ZNF16: variants seen among roughly 807,000 people sequenced by gnomAD.
ZNF16 encodes the protein zinc finger protein KOX9.
A neutral mutation model predicts 9.0 loss-of-function variants in ZNF16; 7 were observed. The observed-to-expected ratio is 0.78, with a 90% confidence interval of 0.44 to 1.47. The LOEUF (loss-of-function observed/expected upper bound fraction) is 1.47. Among genes scored for constraint, ZNF16 ranks in the 40% most tolerant of loss-of-function variants. The pLI is 0.01. For synonymous variants in ZNF16, 312 were observed against 301.5 expected (o/e 1.03, Z -0.36); for missense variants, 830 against 854.2 (o/e 0.97, Z 0.35).
chr8:144,942,275 GC>G (rs1323506085), intron 2 of ZNF16, among the ~76,000 whole-genome samples: 1 of 150,690 alleles, frequency 6.6e-6, no homozygotes, highest in Non-Finnish European at 1.5e-5. Flanking sequence ...ACCATGCCTG[GC>G]CCATTTTTAA....
rs754931875 is a variant in ZNF16 at position 144,931,460 on chromosome 8, T to C, written c.1327A>G (p.Ser443Gly). 2 of 1,614,198 alleles carry C rather than the reference T, an allele frequency of 1.2e-6. No individual in the cohort carries two copies. The highest frequency in any genetic ancestry group is 1.7e-6 in the Non-Finnish European group (2 of 1,180,038). The change falls in exon 3 of 3, where the codon AGT (serine) becomes GGT (glycine). Residue 443 changes from serine (S) to glycine (G), a missense_variant. Transcript: ENST00000394909. Reference protein sequence around the residue: ...YKCSDCGKAFSQSSSLIQHRR... With the variant: ...YKCSDCGKAFGQSSSLIQHRR... ...TGCTGAATAAGGCTGGAGCTCTGAC[T>C]AAATGCTTTCCCACAGTCACTGCAC...
rs563325288 is a variant in ZNF16 at position 144,934,457 on chromosome 8, C to T, written c.197-1867G>A. Among the ~76,000 whole-genome samples, 112 of 152,392 alleles carry T rather than the reference C, an allele frequency of 7.3e-4. 1 individual carries two copies. The highest frequency in any genetic ancestry group is 2.2e-3 in the Admixed American group (33 of 15,308). ...TCCACATGGGCTGCAGGGGATTCCC[C>T]AATGTCCCCCATGAGCTTCAGCTCT... On this transcript the variant is annotated intron_variant, in intron 2 of 2. Transcript: ENST00000394909.
rs1416069584 is a variant in ZNF16, at chr8:144,931,257, C to A, written c.1530G>T (p.Val510=). The A allele has an allele frequency of 6.2e-7, 1 of 1,613,444 alleles. No homozygotes were observed. Among genetic ancestry groups the A allele is most frequent in the Non-Finnish European group, 8.5e-7 (1 of 1,179,862 alleles). Residue 510 remains valine, a synonymous_variant, in exon 3 of 3, where the codon GTG becomes GTT. Coordinates refer to ENST00000394909, the MANE Select transcript of ZNF16 (RefSeq NM_006958.3). ...HSSALIQHQG[V]HTGDKPYACH... ...AGGCGTAGGGCTTGTCGCCTGTGTGCACGCCCTGGTGCTGAATGAGGGCTG... is the reference window on the plus strand; with the variant it reads ...AGGCGTAGGGCTTGTCGCCTGTGTGAACGCCCTGGTGCTGAATGAGGGCTG...
In ZNF16 at chr8:144,932,703, C is replaced by A; in HGVS notation, c.197-113G>T. The A allele has an allele frequency of 8.6e-7, 1 of 1,163,130 alleles. No individual in the cohort carries two copies. The allele number at this position is 1,163,130 out of a possible 1,614,324, so 72.1% of individuals were successfully genotyped here. On this transcript the variant is annotated intron_variant, in intron 2 of 2. Transcript: ENST00000394909. The surrounding 1 kb of genome is among the most constrained non-coding windows in gnomAD (Gnocchi z 5.0). The stretch of plus-strand genomic sequence containing the variant: ...GGAGGAGGCAAGGGGAGCAGGGGAT[C>A]CTCTGGGGTGGCAGTCCAGATCAGA...
chr8:144,940,405 A>C (rs1005459373), intron 2 of ZNF16, among the ~76,000 whole-genome samples: 9 of 152,080 alleles, frequency 5.9e-5, no homozygotes, highest in Non-Finnish European at 1.2e-4. Flanking sequence ...TTCCCTTTTG[A>C]CATTGCCTTC....
chr8:144,946,024 G>A lies in ZNF16; in HGVS notation c.183C>T (p.His61=). 5 of 1,613,758 alleles carry A rather than the reference G, an allele frequency of 3.1e-6. No individual in the cohort carries two copies. Among genetic ancestry groups the A allele is most frequent in the South Asian group, 1.1e-5 (1 of 91,082 alleles). ...SDTELEAICP[H]YQQPDCDTRT... The stretch of plus-strand genomic sequence containing the variant: ...TTCTTAAAGTACCTGGCTGCTGATA[G>A]TGAGGGCAGATGGCTTCCAGCTCAG... The change falls in exon 2 of 3, where the codon CAC becomes CAT. Residue 61 remains histidine, a synonymous_variant. Transcript: ENST00000394909.
intron 2 of ZNF16, among the ~76,000 whole-genome samples, chr8:144,939,027 A>G (rs1021038767): frequency 7.2e-5 from 11 of 152,036 alleles, no homozygotes; most frequent in Admixed American, 2.0e-4. Context: ...TATTAATGTG[A>G]TGAATTACAA....
In ZNF16 at chr8:144,931,399, C is replaced by A. The variant is rs370678298; in HGVS notation, c.1388G>T (p.Cys463Phe). The A allele has an allele frequency of 2.2e-5, 35 of 1,614,088 alleles. No homozygotes were observed. The highest frequency in any genetic ancestry group is 4.0e-5 in the African/African-American group (3 of 74,926). Reference protein sequence around the residue: ...RIHTGEKPHVCNVCGKAFSYS... With the variant: ...RIHTGEKPHVFNVCGKAFSYS... The stretch of plus-strand genomic sequence containing the variant: ...ACTAAAGGCTTTTCCACATACATTA[C>A]ACACGTGAGGCTTTTCTCCAGTGTG... Residue 463 changes from cysteine to phenylalanine, a missense_variant, in exon 3 of 3, where the codon TGT becomes TTT. Cys to Phe is a radical substitution (Grantham distance 205). Coordinates refer to ENST00000394909, the MANE Select transcript of ZNF16 (RefSeq NM_006958.3).
intron 2 of ZNF16, among the ~76,000 whole-genome samples, chr8:144,938,420 C>A (rs945594295): frequency 4.6e-5 from 7 of 152,198 alleles, no homozygotes; most frequent in African/African-American, 1.7e-4. Flanking sequence ...TTTGTGATTT[C>A]TTTAATTCCT....
intron 1 of ZNF16, 93 bp from the exon 2 acceptor site, chr8:144,946,308 G>A (rs1833926547): frequency 1.6e-6 from 2 of 1,240,100 alleles, no homozygotes; most frequent in Non-Finnish European, 2.1e-6. Flanking sequence ...CTCCACCCCT[G>A]CAGCCCAAGA....
At chr8:144,939,247 A>G (rs1290846344) in intron 2 of ZNF16, among the ~76,000 whole-genome samples, 2 of 152,132 alleles carry the variant, frequency 1.3e-5, no homozygotes, top group East Asian at 3.9e-4. Flanking sequence ...TAGAATTAGA[A>G]AGTGTTCTCT....
chr8:144,945,803 G>C (rs1833910777), intron 2 of ZNF16: 5 of 985,696 alleles, frequency 5.1e-6, no homozygotes, highest in Non-Finnish European at 7.1e-6. Context: ...TTCGTGTCAA[G>C]TGGGGAAATC....
intron 1 of ZNF16, among the ~76,000 whole-genome samples, chr8:144,949,539 T>C (rs28590723): frequency 0.077 from 11,670 of 152,266 alleles, 1,311 homozygotes; most frequent in African/African-American, 0.25. Flanking sequence ...CCTTGAACAA[T>C]TGCTTTGCTG....
Position 144,943,799 on chromosome 8 carries a change from C to T in ZNF16, c.196+2212G>A, listed in dbSNP as rs189156467. On this transcript the variant is annotated intron_variant, in intron 2 of 2. Transcript: ENST00000394909. ...CCTCCCAAAGTGCTGGGATGACAGG[C>T]GTGAGCCACAACGCCCAGCCATTAA... 1.1e-4 allele frequency among the ~76,000 whole-genome samples: 17 copies of T among 152,220 alleles called. No individual in the cohort carries two copies. In the East Asian group the frequency reaches 2.9e-3, roughly 26 times the overall value.
rs1833613340 is a variant in ZNF16 at position 144,933,792 on chromosome 8, TC to T, written c.197-1203del. On this transcript the variant is annotated intron_variant, in intron 2 of 2. Transcript: ENST00000394909. This position sits in a 1 kb window ranked among gnomAD's most constrained non-coding sequence, Gnocchi z 5.6. ...GCCCAGAGCACTCTCCACATGGCCC[TC>T]GTGCTACCCACTTCCCTTGCACAGG... Among the ~76,000 whole-genome samples the T allele has an allele frequency of 6.6e-6, 1 of 152,174 alleles. No homozygotes were observed. Among genetic ancestry groups the T allele is most frequent in the Non-Finnish European group, 1.5e-5 (1 of 68,030 alleles).
In ZNF16 at chr8:144,946,533, G is replaced by GGGTCTGTACCCTGCTGT. The variant is rs1563925447; in HGVS notation, c.-9-319_-9-318insACAGCAGGGTACAGACC. On this transcript the variant is annotated intron_variant, in intron 1 of 2. Transcript: ENST00000394909. Reference sequence around the variant, plus strand: ...CCCCACAGGGTCTGTGTCCTGCTGTGGGGCCTGTGTACTGCTGTGGGGCCT... The same window carrying GGGTCTGTACCCTGCTGT: ...CCCCACAGGGTCTGTGTCCTGCTGTGGGTCTGTACCCTGCTGTGGGCCTGTGTACTGCTGTGGGGCCT... Among the ~76,000 whole-genome samples the GGGTCTGTACCCTGCTGT allele has an allele frequency of 1.2e-4, 10 of 85,046 alleles. 1 individual carries two copies. The highest frequency in any genetic ancestry group is 1.9e-4 in the Non-Finnish European group (7 of 37,320). The allele number at this position is 85,046 out of a possible 152,430, so 55.8% of individuals were successfully genotyped here.
chr8:144,940,450 C>T (rs1158679324), intron 2 of ZNF16, among the ~76,000 whole-genome samples: 1 of 152,158 alleles, frequency 6.6e-6, no homozygotes, highest in East Asian at 1.9e-4. Flanking sequence ...GTTGTGTTTT[C>T]ATTCATCTGC....
chr8:144,941,416 C>T (rs1174745282), intron 2 of ZNF16, among the ~76,000 whole-genome samples: 1 of 152,122 alleles, frequency 6.6e-6, no homozygotes, highest in Non-Finnish European at 1.5e-5. Flanking sequence ...TCACTTTAAA[C>T]TTATTGTGTC....
At chr8:144,950,388 G>C (rs1834079960) in intron 1 of ZNF16, 1 of 152,178 alleles carries the variant, frequency 6.6e-6, no homozygotes, top group African/African-American at 2.4e-5. Flanking sequence ...TCTTTTCTCA[G>C]TCTCTCGTCC....
Sources: allele counts gnomAD v4.1 joint callset (sites outside exome capture counted in the v4.1 genomes callset), GRCh38; gene constraint gnomAD v4.1.1; non-coding constraint Gnocchi (gnomAD v3.1); transcripts MANE v1.5; gene names NCBI Gene and HGNC (gene_info 2026-07-23, HGNC 2026-07-21).